Variants in ZNF638 observed in about 807,000 individuals in gnomAD.
The protein encoded by ZNF638 is CTCL tumor antigen se33-1.
Under a neutral mutation model 195.6 loss-of-function variants are expected in ZNF638, and 46 were observed. That is an observed-to-expected ratio of 0.24 (90% CI 0.19 to 0.30). ZNF638 has a LOEUF of 0.30. ZNF638 is among the 10% of genes least tolerant of loss of function. The pLI is 1.00. For synonymous variants in ZNF638, 845 were observed against 772.0 expected (o/e 1.09, Z -1.57); for missense variants, 2,440 against 2,325.3 (o/e 1.05, Z -1.01).
At chr2:71,363,324 A>G in intron 4 of ZNF638, 133 bp downstream of exon 4, 1 of 641,518 alleles carries the variant, frequency 1.6e-6, no homozygotes, top group South Asian at 2.2e-5. Flanking sequence ...AACCTCTATG[A>G]ATCTTTAACT....
intron 17 of ZNF638, among the ~76,000 whole-genome samples, chr2:71,404,270 A>G (rs964794721): frequency 3.3e-5 from 5 of 152,358 alleles, no homozygotes; most frequent in African/African-American, 4.8e-5. Context: ...TCTTTCTGCC[A>G]TTATCTGTCA....
intron 1 of ZNF638, among the ~76,000 whole-genome samples, chr2:71,344,225 G>A (rs1383963744): frequency 2.0e-5 from 3 of 152,144 alleles, no homozygotes; most frequent in Non-Finnish European, 2.9e-5. Context: ...TATCTTTTTT[G>A]TATGGATTCT....
intron 27 of ZNF638, among the ~76,000 whole-genome samples, chr2:71,433,984 G>T (rs192674487): frequency 6.6e-6 from 1 of 152,148 alleles, no homozygotes; most frequent in Non-Finnish European, 1.5e-5. Context: ...TTTGAACTCC[G>T]CTCTATTTCA....
intron 8 of ZNF638, among the ~76,000 whole-genome samples, chr2:71,373,079 A>G (rs1278269577): frequency 6.6e-6 from 1 of 152,208 alleles, no homozygotes; most frequent in African/African-American, 2.4e-5. Context: ...ATAATATAAG[A>G]TTGCTCACTA....
intron 1 of ZNF638, among the ~76,000 whole-genome samples, chr2:71,347,010 T>C (rs2078861109): frequency 1.3e-5 from 2 of 151,098 alleles, no homozygotes; most frequent in Non-Finnish European, 2.9e-5. Context: ...AGTGACAAAG[T>C]GCATCCCTGT....
chr2:71,354,760 AAAAG>A (rs2078996908), intron 2 of ZNF638, among the ~76,000 whole-genome samples: 3 of 152,078 alleles, frequency 2.0e-5, no homozygotes, highest in African/African-American at 4.8e-5. Context: ...AGAAAAAAAA[AAAAG>A]AAGCATTTCG....
chr2:71,337,363 T>C (rs965259592), intron 1 of ZNF638, among the ~76,000 whole-genome samples: 2 of 152,142 alleles, frequency 1.3e-5, no homozygotes, highest in South Asian at 2.1e-4. Context: ...CCTAAAAATA[T>C]TTTCTTTCAC....
intron 20 of ZNF638, among the ~76,000 whole-genome samples, chr2:71,409,533 A>G (rs1010206490): frequency 2.6e-5 from 4 of 152,192 alleles, no homozygotes; most frequent in African/African-American, 7.2e-5. Flanking sequence ...AGAAGGCAAT[A>G]TGTGTGTCCA....
intron 1 of ZNF638, among the ~76,000 whole-genome samples, chr2:71,345,132 ATTG>A (rs751357060): frequency 2.6e-5 from 4 of 152,176 alleles, no homozygotes; most frequent in Non-Finnish European, 5.9e-5. Flanking sequence ...ATTATTTTTA[ATTG>A]TTAATCTCTT....
chr2:71,344,117 G>T (rs1002119068), intron 1 of ZNF638, among the ~76,000 whole-genome samples: 3 of 152,148 alleles, frequency 2.0e-5, no homozygotes, highest in African/African-American at 7.2e-5. Flanking sequence ...GCGACAGAGC[G>T]AGACTCCGTC....
intron 1 of ZNF638, among the ~76,000 whole-genome samples, chr2:71,336,843 T>G (rs956412373): frequency 2.0e-5 from 3 of 152,240 alleles, no homozygotes; most frequent in Admixed American, 6.5e-5. Flanking sequence ...TCTTAAAGAC[T>G]GTGCTGCACT....
intron 21 of ZNF638, among the ~76,000 whole-genome samples, chr2:71,420,802 G>A (rs1393775317): frequency 2.0e-5 from 3 of 152,124 alleles, no homozygotes; most frequent in Non-Finnish European, 4.4e-5. Flanking sequence ...TCAATATTGA[G>A]GCTTTTTTCC....
At chr2:71,361,190 C>G (rs376094726) in intron 3 of ZNF638, among the ~76,000 whole-genome samples, 1 of 152,078 alleles carries the variant, frequency 6.6e-6, no homozygotes, top group African/African-American at 2.4e-5. Context: ...TGAGCTCAAG[C>G]GATCTGCCTA....
chr2:71,334,063 CA>C (rs1037857686), intron 1 of ZNF638, among the ~76,000 whole-genome samples: 18 of 152,156 alleles, frequency 1.2e-4, no homozygotes, highest in Non-Finnish European at 2.2e-4. Context: ...AAACTTTTTA[CA>C]TGCCTTTCTT....
intron 1 of ZNF638, among the ~76,000 whole-genome samples, chr2:71,340,359 A>G (rs890303333): frequency 1.3e-5 from 2 of 152,244 alleles, no homozygotes; most frequent in African/African-American, 4.8e-5. Context: ...ACAAAGACTA[A>G]TAGTAAAGAA....
chr2:71,348,623 T>C, intron 1 of ZNF638, 130 bp from the exon 2 acceptor site: 2 of 1,236,012 alleles, frequency 1.6e-6, no homozygotes, highest in Admixed American at 3.5e-5. Context: ...CGTAAGCCCT[T>C]ACTCTAAAAG....
chr2:71,353,077 C>T (rs1016199324), intron 2 of ZNF638, among the ~76,000 whole-genome samples: 12 of 151,860 alleles, frequency 7.9e-5, no homozygotes, highest in Non-Finnish European at 1.2e-4. Context: ...TTTGCAGCCT[C>T]GTAAGTGTTC....
intron 24 of ZNF638, among the ~76,000 whole-genome samples, chr2:71,428,028 C>A (rs983399595): frequency 1.4e-4 from 21 of 151,932 alleles, no homozygotes; most frequent in Non-Finnish European, 1.5e-4. Context: ...TCCGTCTCTA[C>A]AAAAAATTAA....
intron 3 of ZNF638, among the ~76,000 whole-genome samples, chr2:71,362,374 A>G (rs185576597): frequency 3.3e-5 from 5 of 152,218 alleles, no homozygotes; most frequent in Non-Finnish European, 7.4e-5. Flanking sequence ...AATTCCAGAT[A>G]TTCCTTTACA....
Sources: allele counts gnomAD v4.1 joint callset (sites outside exome capture counted in the v4.1 genomes callset), GRCh38; gene constraint gnomAD v4.1.1; transcripts MANE v1.5; gene names NCBI Gene and HGNC (gene_info 2026-07-23, HGNC 2026-07-21).